The following SHANK2 variants were observed in gnomAD, a reference collection of about 807,000 sequenced individuals.
SHANK2 encodes SH3 and multiple ankyrin repeat domains 2, also known as SH3 and multiple ankyrin repeat domains protein 2.
SHANK2 carries 43 observed loss-of-function variants against 133.7 expected under a neutral mutation model. The ratio of observed to expected loss-of-function variants is 0.32; its 90% confidence interval spans 0.25 to 0.41. The LOEUF (loss-of-function observed/expected upper bound fraction) is 0.41. SHANK2 is among the 10% of genes least tolerant of loss of function. SHANK2 has a pLI of 1.00. For missense variants in SHANK2, 1,994 were observed against 2,235.8 expected, an observed-to-expected ratio of 0.89 and a Z score of 2.18; for synonymous variants, 1,017 against 952.8, an observed-to-expected ratio of 1.07 and a Z score of -1.24.
chr11:70,848,387 T>C (rs1798958540), intron 11 of SHANK2, among the ~76,000 whole-genome samples: 1 of 152,168 alleles, frequency 6.6e-6, no homozygotes, highest in South Asian at 2.1e-4. Flanking sequence ...AACCCACCCG[T>C]TCCCGCCACT....
chr11:70,723,971 A>T (rs1029248419), intron 14 of SHANK2, among the ~76,000 whole-genome samples: 1 of 146,764 alleles, frequency 6.8e-6, no homozygotes, highest in Non-Finnish European at 1.5e-5. Context: ...AAATCCACTT[A>T]AAAAAAAAAA....
At chr11:71,227,945 A>G (rs1954669814) in intron 1 of SHANK2, among the ~76,000 whole-genome samples, 1 of 152,146 alleles carries the variant, frequency 6.6e-6, no homozygotes, top group African/African-American at 2.4e-5. Context: ...CAGAAAAACA[A>G]CAGAGAAAAT....
At chr11:70,909,051 C>T (rs1555078509) in intron 10 of SHANK2, among the ~76,000 whole-genome samples, 1 of 152,190 alleles carries the variant, frequency 6.6e-6, no homozygotes. Flanking sequence ...GTTTAACAAA[C>T]ACACAAAAGA....
chr11:70,862,440 AAAG>A (rs540185947), intron 11 of SHANK2, among the ~76,000 whole-genome samples: 2 of 152,198 alleles, frequency 1.3e-5, no homozygotes, highest in Non-Finnish European at 2.9e-5. Flanking sequence ...ATGGAAATGG[AAAG>A]AAGTGCAATA....
intron 17 of SHANK2, among the ~76,000 whole-genome samples, chr11:70,505,587 C>T (rs1554968208): frequency 6.6e-6 from 1 of 152,114 alleles, no homozygotes; most frequent in East Asian, 1.9e-4. Context: ...TCTGGGCGGG[C>T]CCCCAGTGCC....
chr11:71,137,139 A>C (rs1952454372), intron 3 of SHANK2, among the ~76,000 whole-genome samples: 1 of 152,168 alleles, frequency 6.6e-6, no homozygotes, highest in Non-Finnish European at 1.5e-5. Context: ...CTGGGATTAC[A>C]GGTGTGAGCC....
chr11:70,512,620 T>C (rs1358550320), intron 17 of SHANK2, among the ~76,000 whole-genome samples: 2 of 152,230 alleles, frequency 1.3e-5, no homozygotes, highest in African/African-American at 4.8e-5. Flanking sequence ...TCAAATACAT[T>C]ATCCATTTTA....
intron 15 of SHANK2, among the ~76,000 whole-genome samples, chr11:70,666,222 GA>G (rs1171811625): frequency 1.3e-5 from 2 of 152,202 alleles, no homozygotes; most frequent in African/African-American, 4.8e-5. Flanking sequence ...CAGGAAGTCA[GA>G]GAGGAAACAG....
chr11:71,123,109 C>A (rs1952110160), intron 3 of SHANK2, among the ~76,000 whole-genome samples: 1 of 152,194 alleles, frequency 6.6e-6, no homozygotes, highest in African/African-American at 2.4e-5. Context: ...CAGCTCCCGG[C>A]AAGCCCACGA....
intron 15 of SHANK2, among the ~76,000 whole-genome samples, chr11:70,667,642 C>T (rs183371419): frequency 4.2e-4 from 64 of 152,296 alleles, no homozygotes; most frequent in African/African-American, 1.5e-3. Flanking sequence ...TGACAGTTGG[C>T]GTTTAGGATC....
At chr11:70,516,550 G>C (rs1257900728) in intron 17 of SHANK2, among the ~76,000 whole-genome samples, 1 of 152,200 alleles carries the variant, frequency 6.6e-6, no homozygotes, top group African/African-American at 2.4e-5. Context: ...CTTGAGTTTG[G>C]TGATGATTTC....
chr11:70,579,070 C>T (rs1244243522), intron 17 of SHANK2, among the ~76,000 whole-genome samples: 1 of 152,134 alleles, frequency 6.6e-6, no homozygotes, highest in East Asian at 1.9e-4. Flanking sequence ...GTGCTGGATC[C>T]AGGGGAGTAG....
At chr11:70,806,455 C>T (rs1948161628) in intron 13 of SHANK2, among the ~76,000 whole-genome samples, 1 of 152,250 alleles carries the variant, frequency 6.6e-6, no homozygotes, top group South Asian at 2.1e-4. Flanking sequence ...TCACTGGCTC[C>T]CCAATACCCC....
intron 2 of SHANK2, among the ~76,000 whole-genome samples, chr11:71,213,383 C>T (rs1391636033): frequency 1.3e-5 from 2 of 152,212 alleles, no homozygotes; most frequent in Non-Finnish European, 2.9e-5. Flanking sequence ...CTTTCACTAT[C>T]CTAAATAGTG....
intron 14 of SHANK2, among the ~76,000 whole-genome samples, chr11:70,781,128 A>T (rs919056685): frequency 4.0e-4 from 61 of 152,132 alleles, no homozygotes; most frequent in African/African-American, 1.5e-3. Flanking sequence ...CCTCAGGCTG[A>T]AACTCATAGG....
chr11:70,666,926 C>T (rs1303881638), intron 15 of SHANK2, among the ~76,000 whole-genome samples: 1 of 152,072 alleles, frequency 6.6e-6, no homozygotes, highest in African/African-American at 2.4e-5. Context: ...GGTGGAAGGG[C>T]ACTTTGACAT....
At chr11:70,762,957 C>G (rs1251443942) in intron 14 of SHANK2, among the ~76,000 whole-genome samples, 1 of 152,216 alleles carries the variant, frequency 6.6e-6, no homozygotes, top group Non-Finnish European at 1.5e-5. Flanking sequence ...TGGGAGCACG[C>G]TCACCTGCAC....
At chr11:71,137,856 T>C (rs1952476865) in intron 3 of SHANK2, among the ~76,000 whole-genome samples, 1 of 152,186 alleles carries the variant, frequency 6.6e-6, no homozygotes, top group Admixed American at 6.5e-5. Flanking sequence ...GCTCTCACCT[T>C]GCAGGGTCCA....
intron 17 of SHANK2, among the ~76,000 whole-genome samples, chr11:70,615,830 C>T (rs1435457420): frequency 1.3e-5 from 2 of 152,122 alleles, no homozygotes. Flanking sequence ...CCACCTTGGC[C>T]GGTATTGGCT....
Sources: allele counts gnomAD v4.1 joint callset (sites outside exome capture counted in the v4.1 genomes callset), GRCh38; gene constraint gnomAD v4.1.1; transcripts MANE v1.5; gene names NCBI Gene and HGNC (gene_info 2026-07-23, HGNC 2026-07-21).